Variants in SOX6 observed in about 807,000 individuals in gnomAD.
SOX6 encodes the protein transcription factor SOX-6.
A neutral mutation model predicts 97.8 loss-of-function variants in SOX6; 11 were observed. That is an observed-to-expected ratio of 0.11 (90% CI 0.07 to 0.19). SOX6 has a LOEUF of 0.19. Among genes scored for constraint, SOX6 ranks in the 10% least tolerant of loss-of-function variants. The pLI is 1.00. For missense variants in SOX6, 810 were observed against 1,039.5 expected, an observed-to-expected ratio of 0.78 and a Z score of 3.04; for synonymous variants, 360 against 371.4, an observed-to-expected ratio of 0.97 and a Z score of 0.35.
chr11:16,655,124 T>C (rs1388805131), intron 3 of SOX6, among the ~76,000 whole-genome samples: 1 of 152,148 alleles, frequency 6.6e-6, no homozygotes, highest in Non-Finnish European at 1.5e-5. Flanking sequence ...CATGGGGACT[T>C]GTCTATTTCT....
At chr11:16,492,179 T>C (rs1353326126) in intron 4 of SOX6, among the ~76,000 whole-genome samples, 2 of 152,144 alleles carry the variant, frequency 1.3e-5, no homozygotes, top group Non-Finnish European at 2.9e-5. Flanking sequence ...CTTCTGTTCG[T>C]CAAAAGACAC....
intron 3 of SOX6, among the ~76,000 whole-genome samples, chr11:16,667,545 G>GA (rs35883383): frequency 0.011 from 1,466 of 137,928 alleles, 15 homozygotes; most frequent in African/African-American, 0.032. Context: ...AGTGCTGAAG[G>GA]AAAAAAAAAA....
intron 12 of SOX6, among the ~76,000 whole-genome samples, chr11:16,016,339 A>G (rs1052164237): frequency 6.6e-6 from 1 of 151,718 alleles, no homozygotes; most frequent in Non-Finnish European, 1.5e-5. Context: ...GTTGGAAGAA[A>G]ACACAGCATA....
At chr11:16,151,796 A>T (rs1850463671) in intron 6 of SOX6, among the ~76,000 whole-genome samples, 1 of 152,188 alleles carries the variant, frequency 6.6e-6, no homozygotes, top group African/African-American at 2.4e-5. Context: ...GACAGTGAGG[A>T]AACCACCTCT....
At chr11:16,234,450 T>A in intron 4 of SOX6, 132 bp downstream of exon 4, 1 of 576,158 alleles carries the variant, frequency 1.7e-6, no homozygotes. Flanking sequence ...CCTATAATAT[T>A]CACCCTCTCA....
At chr11:16,730,406 C>T (rs1848340667) in intron 2 of SOX6, among the ~76,000 whole-genome samples, 1 of 152,102 alleles carries the variant, frequency 6.6e-6, no homozygotes, top group Non-Finnish European at 1.5e-5. Flanking sequence ...CTTTCAGACC[C>T]AGTGCAGTCA....
intron 9 of SOX6, among the ~76,000 whole-genome samples, chr11:16,079,684 T>C (rs1848431520): frequency 6.6e-6 from 1 of 152,180 alleles, no homozygotes; most frequent in Non-Finnish European, 1.5e-5. Context: ...CTTCTTACTT[T>C]CTTCTTACAT....
chr11:16,295,848 G>A (rs1855066219), intron 3 of SOX6, among the ~76,000 whole-genome samples: 1 of 151,962 alleles, frequency 6.6e-6, no homozygotes, highest in Non-Finnish European at 1.5e-5. Context: ...AAATTCCAGG[G>A]GGTCACAACA....
chr11:16,525,024 A>T (rs550250960), intron 4 of SOX6, among the ~76,000 whole-genome samples: 1 of 152,350 alleles, frequency 6.6e-6, no homozygotes, highest in South Asian at 2.1e-4. Flanking sequence ...CATGGGTAGG[A>T]AGACTCAATA....
intron 1 of SOX6, among the ~76,000 whole-genome samples, chr11:16,465,258 G>A (rs926115447): frequency 2.6e-5 from 4 of 152,100 alleles, no homozygotes; most frequent in Admixed American, 2.0e-4. Flanking sequence ...ACTCTAACTA[G>A]TCACAAAGTC....
chr11:16,535,043 T>C (rs1861288248), intron 4 of SOX6, among the ~76,000 whole-genome samples: 1 of 152,204 alleles, frequency 6.6e-6, no homozygotes, highest in Admixed American at 6.5e-5. Flanking sequence ...TATAATACAA[T>C]GTCTTCATAA....
chr11:16,637,299 C>T (rs1848805156), intron 3 of SOX6, among the ~76,000 whole-genome samples: 4 of 152,192 alleles, frequency 2.6e-5, no homozygotes. Flanking sequence ...CAGCTCACTG[C>T]ACCCTCCACC....
intron 1 of SOX6, among the ~76,000 whole-genome samples, chr11:16,399,717 A>G (rs1001037428): frequency 1.5e-4 from 22 of 151,418 alleles, no homozygotes; most frequent in Admixed American, 1.3e-3. Flanking sequence ...AGATGAGGAA[A>G]GGGATAAGGA....
chr11:16,427,568 GA>G (rs1186617124), intron 1 of SOX6, among the ~76,000 whole-genome samples: 2 of 151,802 alleles, frequency 1.3e-5, no homozygotes, highest in African/African-American at 2.4e-5. Context: ...CTATGAGTGA[GA>G]ACATGAGGTG....
intron 3 of SOX6, among the ~76,000 whole-genome samples, chr11:16,620,219 T>G (rs759110277): frequency 2.0e-5 from 3 of 152,216 alleles, no homozygotes; most frequent in Non-Finnish European, 4.4e-5. Context: ...CAAAATCTCT[T>G]AAGTCTAAAT....
rs889522474 is a variant in SOX6, at chr11:16,141,713, G to A, written c.778-29790C>T. On this transcript the variant is annotated intron_variant, in intron 6 of 15. Transcript: ENST00000683767. ...GGCACACCAGGAGATTATATTCGGCGCCTGGCTCAGAGGGTCCCACACCCA... is the reference window on the plus strand; with the variant it reads ...GGCACACCAGGAGATTATATTCGGCACCTGGCTCAGAGGGTCCCACACCCA... Among the ~76,000 whole-genome samples the A allele has an allele frequency of 3.3e-5, 5 of 152,216 alleles. No individual in the cohort carries two copies. The South Asian group carries it at 8.3e-4, about 25-fold the overall frequency.
At chr11:16,725,100 A>G (rs1460547390) in intron 2 of SOX6, among the ~76,000 whole-genome samples, 1 of 152,258 alleles carries the variant, frequency 6.6e-6, no homozygotes, top group Non-Finnish European at 1.5e-5. Context: ...AGAAAAAAGT[A>G]GAAACAACCC....
At chr11:16,593,929 T>C (rs1848182041) in intron 4 of SOX6, among the ~76,000 whole-genome samples, 1 of 152,196 alleles carries the variant, frequency 6.6e-6, no homozygotes, top group Non-Finnish European at 1.5e-5. Flanking sequence ...AAAAAATTCA[T>C]GTACAATATA....
intron 3 of SOX6, among the ~76,000 whole-genome samples, chr11:16,308,051 C>G (rs1855490899): frequency 6.6e-6 from 1 of 152,164 alleles, no homozygotes. Context: ...GGTCTGAGCA[C>G]CACACATATT....
Sources: gnomAD v4.1 joint callset for allele counts (sites outside exome capture counted in the v4.1 genomes callset) on GRCh38, gnomAD v4.1.1 for gene constraint, MANE v1.5 for transcripts, NCBI Gene and HGNC (gene_info 2026-07-23, HGNC 2026-07-21) for gene names.